Variants in RXRA observed in about 807,000 individuals in gnomAD.
The protein encoded by RXRA is retinoic acid receptor RXR-alpha.
A neutral mutation model predicts 44.5 loss-of-function variants in RXRA; 5 were observed. The observed-to-expected ratio is 0.11, with a 90% CI of 0.06 to 0.24. The LOEUF (loss-of-function observed/expected upper bound fraction) is 0.24. RXRA is among the 10% of genes least tolerant of loss of function. RXRA has a pLI of 1.00. For synonymous variants in RXRA, 291 were observed against 271.4 expected (o/e 1.07, Z -0.71); for missense variants, 412 against 646.5 (o/e 0.64, Z 3.93).
In RXRA at chr9:134,343,914, C is replaced by T. The variant is rs1268796635; in HGVS notation, c.28+17255C>T. ...CACCTTCTGGCCGGTCATTGGCCCT[C>T]GTGGCCCTACCACAGTGGGGTGGGC... On this transcript the variant is annotated intron_variant, in intron 1 of 9. Transcript: ENST00000481739. This position sits in a 1 kb window ranked among gnomAD's most constrained non-coding sequence, Gnocchi z 4.1. Among the ~76,000 whole-genome samples, 1 of 152,166 alleles carries T rather than the reference C, an allele frequency of 6.6e-6. No individual in the cohort carries two copies. The highest frequency in any genetic ancestry group is 6.5e-5 in the Admixed American group (1 of 15,292).
intron 1 of RXRA, among the ~76,000 whole-genome samples, chr9:134,332,367 C>T (rs1389513905): frequency 6.6e-6 from 1 of 152,224 alleles, no homozygotes; most frequent in African/African-American, 2.4e-5. Flanking sequence ...ACGCGGCCCA[C>T]CCCATGCATG....
chr9:134,420,537 G>A (rs768156264), intron 5 of RXRA, among the ~76,000 whole-genome samples: 1 of 152,214 alleles, frequency 6.6e-6, no homozygotes, highest in Non-Finnish European at 1.5e-5. Flanking sequence ...ATTCCTCGGG[G>A]GCCTTCTCAC....
chr9:134,389,843 G>A (rs893068567), intron 1 of RXRA, among the ~76,000 whole-genome samples: 3 of 152,298 alleles, frequency 2.0e-5, no homozygotes, highest in Admixed American at 1.3e-4. Flanking sequence ...GGGGGCTGCC[G>A]GCTAGGCTGG....
chr9:134,413,359 CTG>C (rs971698296), intron 4 of RXRA, among the ~76,000 whole-genome samples: 2 of 151,614 alleles, frequency 1.3e-5, no homozygotes, highest in Non-Finnish European at 2.9e-5. Context: ...CTCTGTGTGT[CTG>C]TGTGTGTATG....
Position 134,422,659 on chromosome 9 carries a change from C to T in RXRA, c.910+854C>T, listed in dbSNP as rs185437326. Reference sequence around the variant, plus strand: ...CTCTCCCCGGACACTCCCCACTCCCCGGACACTCCCCACTCCCGGGACACT... The same window carrying T: ...CTCTCCCCGGACACTCCCCACTCCCTGGACACTCCCCACTCCCGGGACACT... On this transcript the variant is annotated intron_variant, in intron 6 of 9. Coordinates refer to ENST00000481739, the MANE Select transcript of RXRA (RefSeq NM_002957.6). The T allele has an allele frequency of 6.3e-4, 607 of 960,440 alleles. 4 individuals are homozygous for T. The East Asian group carries it at 0.029, about 47-fold the overall frequency. The allele number at this position is 960,440 out of a possible 1,614,324, so 59.5% of individuals were successfully genotyped here.
Position 134,429,048 on chromosome 9 carries a change from G to C in RXRA, c.911-60G>C, listed in dbSNP as rs1831484271. 3.8e-6 allele frequency: 6 copies of C among 1,598,042 alleles called. No individual in the cohort carries two copies. In the Admixed American group the frequency reaches 1.0e-4, roughly 27 times the overall value. ...TCTGTAGGGTCCCACCAGGGGCTGG[G>C]GAAGGGGCGAGCCCCGTGGGGCCTG... On this transcript the variant is annotated intron_variant, in intron 6 of 9. Coordinates refer to ENST00000481739, the MANE Select transcript of RXRA (RefSeq NM_002957.6).
chr9:134,353,876 G>A (rs1298634515), intron 1 of RXRA, among the ~76,000 whole-genome samples: 8 of 152,364 alleles, frequency 5.3e-5, no homozygotes, highest in African/African-American at 7.2e-5. Context: ...CCCTGCTGGC[G>A]GTGAGCTCGG....
chr9:134,373,244 G>C (rs1830511992), intron 1 of RXRA, among the ~76,000 whole-genome samples: 1 of 152,152 alleles, frequency 6.6e-6, no homozygotes, highest in Non-Finnish European at 1.5e-5. Context: ...ACCAGCCTTT[G>C]GTGCTGTTCT....
At chr9:134,327,947 G>A (rs1834943291) in intron 1 of RXRA, among the ~76,000 whole-genome samples, 1 of 152,206 alleles carries the variant, frequency 6.6e-6, no homozygotes, top group Non-Finnish European at 1.5e-5. Context: ...GCCTCCAGGG[G>A]TGGGCGCTCA....
At chr9:134,395,582 C>T (rs1350836417) in intron 1 of RXRA, among the ~76,000 whole-genome samples, 3 of 152,224 alleles carry the variant, frequency 2.0e-5, no homozygotes, top group African/African-American at 7.2e-5. Context: ...CCTCCAGAGT[C>T]TGGGTGGTTC....
intron 1 of RXRA, among the ~76,000 whole-genome samples, chr9:134,390,025 C>T (rs903159447): frequency 8.5e-5 from 13 of 152,186 alleles, no homozygotes; most frequent in African/African-American, 2.9e-4. Flanking sequence ...TGGGAGGGGA[C>T]ACAGCGAGGC....
At chr9:134,347,581 G>T (rs987370729) in intron 1 of RXRA, among the ~76,000 whole-genome samples, 1 of 152,208 alleles carries the variant, frequency 6.6e-6, no homozygotes, top group African/African-American at 2.4e-5. Context: ...CCAGGGGCCT[G>T]CGTTGATGGG....
At chr9:134,379,253 G>C in intron 1 of RXRA, 1 of 985,430 alleles carries the variant, frequency 1.0e-6, no homozygotes, top group Non-Finnish European at 1.2e-6. Context: ...CCTGAGGGCG[G>C]GGCTCGGGCC....
chr9:134,353,586 T>C (rs529346148), intron 1 of RXRA, among the ~76,000 whole-genome samples: 3 of 152,318 alleles, frequency 2.0e-5, no homozygotes, highest in Admixed American at 1.3e-4. Flanking sequence ...CACGAGCCCC[T>C]GTACCTCCAA....
chr9:134,386,874 C>T (rs1219080248), intron 1 of RXRA, among the ~76,000 whole-genome samples: 2 of 152,168 alleles, frequency 1.3e-5, no homozygotes, highest in African/African-American at 2.4e-5. Flanking sequence ...CTATGGAGGA[C>T]CCCTTGGGGT....
At chr9:134,402,178 T>G in intron 2 of RXRA, 1 of 470,274 alleles carries the variant, frequency 2.1e-6, no homozygotes, top group South Asian at 3.1e-5. Flanking sequence ...TTCCCATGAC[T>G]GGGGGACTCA....
At chr9:134,409,967 G>A (rs1254076721) in intron 4 of RXRA, among the ~76,000 whole-genome samples, 1 of 152,216 alleles carries the variant, frequency 6.6e-6, no homozygotes, top group African/African-American at 2.4e-5. Flanking sequence ...TGTGGCTGGT[G>A]TGTCTTACTT....
chr9:134,351,923 G>A (rs782307258), intron 1 of RXRA, among the ~76,000 whole-genome samples: 6 of 152,144 alleles, frequency 3.9e-5, no homozygotes, highest in Admixed American at 6.5e-5. Flanking sequence ...GCTCTGTTCT[G>A]TGTGCACGTG....
chr9:134,327,025 C>T (rs1447996367), intron 1 of RXRA, among the ~76,000 whole-genome samples: 2 of 151,834 alleles, frequency 1.3e-5, no homozygotes, highest in Non-Finnish European at 2.9e-5. Flanking sequence ...CTGCGCTCCG[C>T]GGCTCCGGCC....
Sources: allele counts gnomAD v4.1 joint callset (sites outside exome capture counted in the v4.1 genomes callset), GRCh38; gene constraint gnomAD v4.1.1; non-coding constraint Gnocchi (gnomAD v3.1); transcripts MANE v1.5; gene names NCBI Gene and HGNC (gene_info 2026-07-23, HGNC 2026-07-21).